TNS1: variants seen among roughly 807,000 people sequenced by gnomAD.
The protein encoded by TNS1 is tensin-1.
Under a neutral mutation model 168.6 loss-of-function variants are expected in TNS1, and 62 were observed. That is an observed-to-expected ratio of 0.37 (90% CI 0.30 to 0.45). TNS1 has a LOEUF of 0.45. TNS1 is among the 20% of genes least tolerant of loss of function. The pLI, the probability that TNS1 is intolerant of heterozygous loss-of-function variation, is 1.00. For synonymous variants in TNS1, 934 were observed against 933.2 expected (o/e 1.00, Z -0.02); for missense variants, 2,240 against 2,339.4 (o/e 0.96, Z 0.88).
At chr2:217,936,354 C>T (rs1172486792) in intron 3 of TNS1, among the ~76,000 whole-genome samples, 1 of 152,156 alleles carries the variant, frequency 6.6e-6, no homozygotes, top group African/African-American at 2.4e-5. Context: ...CCCAGGGCTG[C>T]GTGTGAAGAC....
rs1410617832 is a variant in TNS1, at chr2:217,891,013, T to C, written c.815A>G (p.Lys272Arg). 6.2e-7 allele frequency: 1 copy of C among 1,614,082 alleles called. No individual in the cohort carries two copies. The highest frequency in any genetic ancestry group is 8.5e-7 in the Non-Finnish European group (1 of 1,180,048). ...ADQALDRFAM[K>R]RFYEDKIVPI... ...CACAATCTTATCCTCATAGAACCGC[T>C]TCATTGCAAACCGGTCCAGAGCCTG... The change falls in exon 12 of 33, where the codon AAG (lysine) becomes AGG (arginine). Residue 272 changes from lysine to arginine, a missense_variant. This residue lies in a region of TNS1 where 2,131 missense variants were observed against 2,171.2 expected (regional missense o/e 0.98). Transcript: ENST00000682258.
rs1315502453 is a variant in TNS1, at chr2:217,809,267, G to A, written c.5273+556C>T. 4.5e-3 allele frequency among the ~76,000 whole-genome samples: 287 copies of A among 63,288 alleles called. 26 individuals carry two copies. Among genetic ancestry groups the A allele is most frequent in the African/African-American group, 0.015 (166 of 10,796 alleles). 41.5% of individuals were successfully genotyped at this position (63,288 alleles called of 152,430 possible). ...TGGATGGATGCATGGATGGATGGAT[G>A]GATGGATGGATGCATGGATGGATGG... On this transcript the variant is annotated intron_variant, in intron 30 of 32. Transcript: ENST00000682258.
At chr2:217,940,003 C>T (rs1956830990) in intron 3 of TNS1, among the ~76,000 whole-genome samples, 1 of 152,264 alleles carries the variant, frequency 6.6e-6, no homozygotes, top group South Asian at 2.1e-4. Context: ...AGGGAAGGGC[C>T]GGTGTGACCT....
chr2:217,978,759 C>T lies in TNS1; in HGVS notation c.186+6G>A. ...CTCCCGGGCCCGCCAGCCCGCGGCC[C>T]CTTACCTTGGCCTGGCATTTCCGAT... On this transcript the variant is annotated splice_donor_region_variant and intron_variant, in intron 3 of 32. Transcript: ENST00000682258. 1 of 702,320 alleles carries T rather than the reference C, an allele frequency of 1.4e-6. No homozygotes were observed. Among genetic ancestry groups the T allele is most frequent in the Non-Finnish European group, 2.6e-6 (1 of 384,524 alleles). The allele number at this position is 702,320 out of a possible 1,614,324, so 43.5% of individuals were successfully genotyped here.
At chr2:217,900,926 C>G in intron 6 of TNS1, among the ~76,000 whole-genome samples, 1 of 152,220 alleles carries the variant, frequency 6.6e-6, no homozygotes, top group Non-Finnish European at 1.5e-5. Flanking sequence ...AATGGCGCCC[C>G]TCTGTCTTGC....
chr2:217,874,750 C>T (rs1378523598), intron 18 of TNS1, among the ~76,000 whole-genome samples: 2 of 152,228 alleles, frequency 1.3e-5, no homozygotes, highest in African/African-American at 2.4e-5. Flanking sequence ...CGCCACTCTG[C>T]TTTTCACATT....
At position 217,891,000 on chromosome 2, in the gene TNS1, C is replaced by T. The variant is rs2125700352; in HGVS notation, c.828G>A (p.Glu276=). 2 of 1,614,220 alleles carry T rather than the reference C, an allele frequency of 1.2e-6. No homozygotes were observed. The highest frequency in any genetic ancestry group is 1.7e-6 in the Non-Finnish European group (2 of 1,180,046). ...LDRFAMKRFY[E]DKIVPIGQPS... ...GCTGGCCAATGGGCACAATCTTATC[C>T]TCATAGAACCGCTTCATTGCAAACC... The change falls in exon 12 of 33, where the codon GAG becomes GAA. Residue 276 remains glutamate, a synonymous_variant. Coordinates refer to ENST00000682258, the MANE Select transcript of TNS1 (RefSeq NM_001387777.1).
rs1046019689 is a variant in TNS1 at position 218,001,024 on chromosome 2, G to A, written c.33+1816C>T. Among the ~76,000 whole-genome samples the A allele has an allele frequency of 5.3e-5, 8 of 152,212 alleles. No individual in the cohort carries two copies. The South Asian group carries it at 8.3e-4, about 16-fold the overall frequency. ...AAAAATTAGCTGGACATGTTGGCAC[G>A]CACTTGTAGTCCCAGCTACTCGGGA... On this transcript the variant is annotated intron_variant, in intron 1 of 32. Coordinates refer to ENST00000682258, the MANE Select transcript of TNS1 (RefSeq NM_001387777.1).
rs3791899 is a variant in TNS1 at position 217,945,684 on chromosome 2, T to C, written c.187-25448A>G. The stretch of plus-strand genomic sequence containing the variant: ...AAGGATGGTGAAAGCAGATGGACTA[T>C]GGGGACACTTGGCCTAGTCCTCCCT... On this transcript the variant is annotated intron_variant, in intron 3 of 32. Coordinates refer to ENST00000682258, the MANE Select transcript of TNS1 (RefSeq NM_001387777.1). Among the ~76,000 whole-genome samples, 22 of 152,292 alleles carry C rather than the reference T, an allele frequency of 1.4e-4. No individual in the cohort carries two copies. In the East Asian group the frequency reaches 4.2e-3, roughly 29 times the overall value.
chr2:217,898,764 C>G (rs1472297287), intron 7 of TNS1, among the ~76,000 whole-genome samples: 1 of 152,206 alleles, frequency 6.6e-6, no homozygotes, highest in Non-Finnish European at 1.5e-5. Context: ...GGTGGGGAGG[C>G]CCCTGGGCTG....
At chr2:217,830,244 C>G (rs1174203131) in intron 22 of TNS1, 2 of 1,294,820 alleles carry the variant, frequency 1.5e-6, no homozygotes, top group African/African-American at 1.5e-5. Context: ...AGAGGCAGCC[C>G]CCAGCCCCCT....
Position 217,906,352 on chromosome 2 carries a change from T to G in TNS1, c.304A>C (p.Lys102Gln). 3 of 702,556 alleles carry G rather than the reference T, an allele frequency of 4.3e-6. No homozygotes were observed. The highest frequency in any genetic ancestry group is 7.8e-6 in the Non-Finnish European group (3 of 384,866). The allele number at this position is 702,556 out of a possible 1,614,324, so 43.5% of individuals were successfully genotyped here. A position where few individuals can be genotyped will look rare whatever the true frequency, so the allele number is the denominator to read the frequency against. The stretch of plus-strand genomic sequence containing the variant: ...ACACTCACGTTGTCCTCGAGGCTTT[T>G]CCGTGTGTTTCCACCCCGGGAGGCT... ...EGASRGGNTR[K>Q]SLEDNGSTRV... The change falls in exon 6 of 33, where the codon AAA becomes CAA. Residue 102 changes from lysine (K) to glutamine (Q), a missense_variant. Lys to Gln is a moderately conservative substitution (Grantham distance 53). Around this residue, in one of 2 missense-constraint regions of TNS1, gnomAD observed 2,131 missense variants for 2,171.2 expected, o/e 0.98. Transcript: ENST00000682258.
At chr2:217,829,121 A>G (rs1187719417) in intron 22 of TNS1, among the ~76,000 whole-genome samples, 1 of 152,170 alleles carries the variant, frequency 6.6e-6, no homozygotes, top group African/African-American at 2.4e-5. Flanking sequence ...CACACCTGTA[A>G]TCCCAGCACT....
intron 16 of TNS1, 35 bp downstream of exon 16, chr2:217,885,000 G>A: frequency 6.2e-7 from 1 of 1,612,620 alleles, no homozygotes. Context: ...CCTGCCACAG[G>A]GGTGCCCACC....
chr2:217,898,648 C>T (rs1485607330), intron 7 of TNS1, among the ~76,000 whole-genome samples: 1 of 152,230 alleles, frequency 6.6e-6, no homozygotes, highest in African/African-American at 2.4e-5. Flanking sequence ...AGAGCTGCTT[C>T]TTGGCAGCAG....
At chr2:217,897,008 G>A (rs1952381240) in intron 8 of TNS1, among the ~76,000 whole-genome samples, 1 of 152,138 alleles carries the variant, frequency 6.6e-6, no homozygotes, top group South Asian at 2.1e-4. Flanking sequence ...AGTCCAAAGA[G>A]GTGAAACCCA....
chr2:217,944,962 A>C (rs1188761455), intron 3 of TNS1, among the ~76,000 whole-genome samples: 1 of 152,262 alleles, frequency 6.6e-6, no homozygotes, highest in Non-Finnish European at 1.5e-5. Flanking sequence ...CTACACACCT[A>C]TCAGATGCTG....
intron 4 of TNS1, among the ~76,000 whole-genome samples, chr2:217,918,904 T>A (rs1343461513): frequency 6.6e-6 from 1 of 152,118 alleles, no homozygotes; most frequent in Non-Finnish European, 1.5e-5. Context: ...ACTCCACATC[T>A]GCAGCAGCAG....
chr2:217,856,588 A>G (rs1193543899), intron 18 of TNS1, among the ~76,000 whole-genome samples: 1 of 152,198 alleles, frequency 6.6e-6, no homozygotes, highest in Non-Finnish European at 1.5e-5. Context: ...GGAGAGCCAC[A>G]CAGAGGAGAC....
Sources: gnomAD v4.1 joint callset for allele counts (sites outside exome capture counted in the v4.1 genomes callset) on GRCh38, gnomAD v4.1.1 for gene constraint, gnomAD v4.1.1 regional missense constraint, MANE v1.5 for transcripts, NCBI Gene and HGNC (gene_info 2026-07-23, HGNC 2026-07-21) for gene names.